Variants in TMEM132C observed in about 807,000 individuals in gnomAD.
TMEM132C encodes the protein transmembrane protein 132C, also known as protein phosphatase 1, regulatory subunit 152.
A neutral mutation model predicts 61.4 loss-of-function variants in TMEM132C; 29 were observed. The observed-to-expected ratio is 0.47, with a 90% CI of 0.35 to 0.64. The LOEUF (loss-of-function observed/expected upper bound fraction) is 0.64. TMEM132C is among the 30% of genes least tolerant of loss of function. TMEM132C has a pLI of 0.00. For missense variants in TMEM132C, 1,408 were observed against 1,476.9 expected, an observed-to-expected ratio of 0.95 and a Z score of 0.76; for synonymous variants, 656 against 633.1, an observed-to-expected ratio of 1.04 and a Z score of -0.54.
At chr12:128,440,011 G>A (rs1289706369) in intron 2 of TMEM132C, among the ~76,000 whole-genome samples, 1 of 152,238 alleles carries the variant, frequency 6.6e-6, no homozygotes. Context: ...AACAACATGA[G>A]AGCTTTTGCT....
chr12:128,312,410 A>T (rs1872002731), intron 1 of TMEM132C, among the ~76,000 whole-genome samples: 1 of 152,016 alleles, frequency 6.6e-6, no homozygotes, highest in Admixed American at 6.6e-5. Context: ...GGCTCAGGTG[A>T]TCCTCCCACC....
chr12:128,511,226 A>G (rs1198792166), intron 2 of TMEM132C, among the ~76,000 whole-genome samples: 1 of 152,308 alleles, frequency 6.6e-6, no homozygotes, highest in Admixed American at 6.5e-5. Context: ...GCCCCCACCC[A>G]TGAATGCAGC....
At chr12:128,272,537 G>A (rs1055966321) in intron 1 of TMEM132C, among the ~76,000 whole-genome samples, 8 of 152,166 alleles carry the variant, frequency 5.3e-5, no homozygotes, top group Non-Finnish European at 1.5e-5. Context: ...CTAGGATTGG[G>A]ATTGCTAGGT....
intron 2 of TMEM132C, among the ~76,000 whole-genome samples, chr12:128,506,131 A>G (rs1872350670): frequency 6.6e-6 from 1 of 152,180 alleles, no homozygotes; most frequent in South Asian, 2.1e-4. Context: ...CCTCGCCGTC[A>G]TTAATATGTG....
chr12:128,515,994 A>T (rs1043588081), intron 2 of TMEM132C, among the ~76,000 whole-genome samples: 8 of 152,070 alleles, frequency 5.3e-5, no homozygotes, highest in Non-Finnish European at 1.5e-5. Flanking sequence ...TGCCAGCATC[A>T]CCCGCCCTGT....
Position 128,458,820 on chromosome 12 carries a change from C to T in TMEM132C, c.974+43200C>T, listed in dbSNP as rs1158585817. 3.3e-5 allele frequency among the ~76,000 whole-genome samples: 5 copies of T among 150,032 alleles called. 1 individual carries two copies. Among genetic ancestry groups the T allele is most frequent in the African/African-American group, 1.2e-4 (5 of 40,602 alleles). On this transcript the variant is annotated intron_variant, in intron 2 of 8. Transcript: ENST00000435159. ...TACAGGCTGGGCTTTGCTGCTCTGGCACGTCACTGTTTTAAGAGCTCCATC... is the reference window on the plus strand; with the variant it reads ...TACAGGCTGGGCTTTGCTGCTCTGGTACGTCACTGTTTTAAGAGCTCCATC...
rs984505659 is a variant in TMEM132C at position 128,669,549 on chromosome 12, G to A, written c.1438G>A (p.Asp480Asn). 29 of 1,551,362 alleles carry A rather than the reference G, an allele frequency of 1.9e-5. No homozygotes were observed. Among genetic ancestry groups the A allele is most frequent in the Middle Eastern group, 1.7e-4 (1 of 6,004 alleles). Residue 480 changes from aspartate (D) to asparagine (N), a missense_variant, in exon 5 of 9, where the codon GAC becomes AAC. By Grantham distance (23) the Asp-to-Asn change is conservative. Transcript: ENST00000435159. ...GGTGGAGTGCAAGTCCACAGACGAG[G>A]ACGTTATCAAAGTAAGTCATTCCAC... ...ESVECKSTDE[D>N]VIKVSERCDY... is the part of the protein sequence containing the mutation.
At chr12:128,312,741 TC>T (rs1872015040) in intron 1 of TMEM132C, among the ~76,000 whole-genome samples, 2 of 152,156 alleles carry the variant, frequency 1.3e-5, no homozygotes, top group Non-Finnish European at 2.9e-5. Context: ...ATTTCAGACT[TC>T]TGGCCTCTAG....
chr12:128,268,632 T>C (rs1027788649), intron 1 of TMEM132C, among the ~76,000 whole-genome samples: 5 of 152,044 alleles, frequency 3.3e-5, no homozygotes, highest in African/African-American at 4.8e-5. Flanking sequence ...CAGAGAACAC[T>C]CAAAGCCACC....
intron 2 of TMEM132C, among the ~76,000 whole-genome samples, chr12:128,481,718 G>C (rs1871322203): frequency 6.6e-6 from 1 of 152,174 alleles, no homozygotes; most frequent in Non-Finnish European, 1.5e-5. Context: ...CCATGGTTTG[G>C]TGCCAGATGC....
At chr12:128,626,043 T>A (rs1954012045) in intron 4 of TMEM132C, among the ~76,000 whole-genome samples, 1 of 152,156 alleles carries the variant, frequency 6.6e-6, no homozygotes, top group South Asian at 2.1e-4. Flanking sequence ...CACTACATCT[T>A]ATTACTTAAT....
chr12:128,275,621 G>A (rs1416674318), intron 1 of TMEM132C, among the ~76,000 whole-genome samples: 1 of 151,810 alleles, frequency 6.6e-6, no homozygotes, highest in Non-Finnish European at 1.5e-5. Context: ...CCCACCCCCT[G>A]GTCCGATGTA....
chr12:128,398,897 CTT>C (rs1262585595), intron 1 of TMEM132C, among the ~76,000 whole-genome samples: 17 of 152,208 alleles, frequency 1.1e-4, no homozygotes, highest in South Asian at 2.1e-4. Flanking sequence ...TCCCCACTGA[CTT>C]TTCAGAATTC....
intron 1 of TMEM132C, among the ~76,000 whole-genome samples, chr12:128,310,712 G>T (rs1384722509): frequency 6.6e-6 from 1 of 152,108 alleles, no homozygotes. Context: ...TGAGATTTGG[G>T]TGGGGACAGA....
chr12:128,368,871 G>A (rs1044981801), intron 1 of TMEM132C, among the ~76,000 whole-genome samples: 1 of 152,156 alleles, frequency 6.6e-6, no homozygotes, highest in African/African-American at 2.4e-5. Context: ...CACACCAAAG[G>A]CACGAAGAGA....
At chr12:128,371,750 A>T (rs750298094) in intron 1 of TMEM132C, among the ~76,000 whole-genome samples, 6 of 151,970 alleles carry the variant, frequency 3.9e-5, no homozygotes, top group Admixed American at 1.3e-4. Flanking sequence ...CATATTTTTA[A>T]AATTTTTTTA....
intron 2 of TMEM132C, among the ~76,000 whole-genome samples, chr12:128,418,498 T>G (rs1868861731): frequency 6.6e-6 from 1 of 152,144 alleles, no homozygotes; most frequent in African/African-American, 2.4e-5. Context: ...TCTGTCCAAT[T>G]CTCCTGTTTC....
chr12:128,535,411 A>AT (rs1370240305), intron 2 of TMEM132C, among the ~76,000 whole-genome samples: 1 of 152,204 alleles, frequency 6.6e-6, no homozygotes, highest in African/African-American at 2.4e-5. Flanking sequence ...AAACAACCCC[A>AT]TGAAAAAGTG....
chr12:128,545,406 A>G (rs1221874650), intron 3 of TMEM132C, among the ~76,000 whole-genome samples: 1 of 152,186 alleles, frequency 6.6e-6, no homozygotes, highest in Admixed American at 6.5e-5. Context: ...GCTATTGTGA[A>G]CAGTGCTGCA....
Sources: gnomAD v4.1 joint callset for allele counts (sites outside exome capture counted in the v4.1 genomes callset) on GRCh38, gnomAD v4.1.1 for gene constraint, MANE v1.5 for transcripts, NCBI Gene and HGNC (gene_info 2026-07-23, HGNC 2026-07-21) for gene names.